The following LINGO2 variants were observed in gnomAD, a reference collection of about 807,000 sequenced individuals.
LINGO2 encodes leucine rich repeat and Ig domain containing 2, also known as leucine-rich repeat and immunoglobulin-like domain-containing nogo receptor-interacting protein 2.
Under a neutral mutation model 30.6 loss-of-function variants are expected in LINGO2, and 14 were observed. The observed-to-expected ratio is 0.46, with a 90% CI of 0.30 to 0.72. The LOEUF (loss-of-function observed/expected upper bound fraction) is 0.72. Among genes scored for constraint, LINGO2 ranks in the 30% least tolerant of loss-of-function variants. The pLI is 0.07. For synonymous variants in LINGO2, 317 were observed against 288.5 expected, an observed-to-expected ratio of 1.10 and a Z score of -1.00; for missense variants, 729 against 751.7, an observed-to-expected ratio of 0.97 and a Z score of 0.35.
In LINGO2 at chr9:28,148,768, G is replaced by A; in HGVS notation, c.-86-136363C>T. 1 of 1,534,096 alleles carries A rather than the reference G, an allele frequency of 6.5e-7. No individual in the cohort carries two copies. The highest frequency in any genetic ancestry group is 1.2e-5 in the South Asian group (1 of 83,960). On this transcript the variant is annotated intron_variant, in intron 4 of 5. Transcript: ENST00000379992. The surrounding 1 kb of genome is among the most constrained non-coding windows in gnomAD (Gnocchi z 5.1). ...GGAAGCCTGACCCACTTCCAACAGT[G>A]CTCCCTGCCCCAGTTCCAGGCTGCT...
At chr9:28,880,704 G>A in the LINGO2 span, among the ~76,000 whole-genome samples, 1 of 152,138 alleles carries the variant, frequency 6.6e-6, no homozygotes, top group Non-Finnish European at 1.5e-5. Context: ...GATAGAGGAA[G>A]GCCACTGTCT....
chr9:28,360,089 T>C (rs1820381305), intron 3 of LINGO2, among the ~76,000 whole-genome samples: 1 of 152,198 alleles, frequency 6.6e-6, no homozygotes, highest in South Asian at 2.1e-4. Context: ...ATCATGGTTG[T>C]AAAGTACTTA....
the LINGO2 span, among the ~76,000 whole-genome samples, chr9:28,912,083 T>C: frequency 1.3e-5 from 2 of 152,042 alleles, no homozygotes; most frequent in Non-Finnish European, 2.9e-5. Flanking sequence ...CAACCTGCCA[T>C]CGGCCTGGCA....
At chr9:27,949,787 G>A (rs368450876) in exon 6 of LINGO2, 1 of 1,614,038 alleles carries the variant, frequency 6.2e-7, no homozygotes, top group Non-Finnish European at 8.5e-7. Flanking sequence ...GGCGGATCAG[G>A]TCAGAGAACA....
At chr9:28,628,578 G>A (rs1413595888) in intron 1 of LINGO2, among the ~76,000 whole-genome samples, 1 of 151,990 alleles carries the variant, frequency 6.6e-6, no homozygotes, top group Non-Finnish European at 1.5e-5. Context: ...GGGGCAAGAG[G>A]GAGATAGGAA....
chr9:28,394,288 C>T (rs1437476724), intron 2 of LINGO2, among the ~76,000 whole-genome samples: 1 of 152,184 alleles, frequency 6.6e-6, no homozygotes, highest in Non-Finnish European at 1.5e-5. Context: ...GAGGACTTCA[C>T]TGTCAGTAAT....
chr9:28,094,549 G>A (rs1352600344), intron 4 of LINGO2, among the ~76,000 whole-genome samples: 2 of 151,300 alleles, frequency 1.3e-5, no homozygotes, highest in Admixed American at 6.6e-5. Context: ...GAGAGAGAGA[G>A]TAAATATTTC....
the LINGO2 span, among the ~76,000 whole-genome samples, chr9:28,787,541 C>G: frequency 6.6e-6 from 1 of 152,022 alleles, no homozygotes; most frequent in Non-Finnish European, 1.5e-5. Context: ...ATATTTATGT[C>G]AAAAAATCTA....
At chr9:28,623,575 C>T (rs1410947809) in intron 1 of LINGO2, among the ~76,000 whole-genome samples, 1 of 151,974 alleles carries the variant, frequency 6.6e-6, no homozygotes, top group East Asian at 1.9e-4. Flanking sequence ...TATGTCAGTA[C>T]CATGCTGTTT....
intron 1 of LINGO2, among the ~76,000 whole-genome samples, chr9:28,517,465 C>T (rs892700648): frequency 5.3e-5 from 8 of 152,132 alleles, no homozygotes; most frequent in African/African-American, 1.9e-4. Flanking sequence ...CTGTTAAGTG[C>T]TAAATTAAAA....
chr9:28,031,822 A>T (rs377315802), intron 4 of LINGO2, among the ~76,000 whole-genome samples: 4 of 152,356 alleles, frequency 2.6e-5, no homozygotes, highest in African/African-American at 2.4e-5. Flanking sequence ...AGATCATTAC[A>T]GAGAGATATT....
intron 3 of LINGO2, among the ~76,000 whole-genome samples, chr9:28,313,390 A>C (rs923342453): frequency 6.6e-6 from 1 of 152,188 alleles, no homozygotes; most frequent in African/African-American, 2.4e-5. Flanking sequence ...TGGTGTTAGA[A>C]TAATTCAGAC....
the LINGO2 span, among the ~76,000 whole-genome samples, chr9:28,894,201 A>G: frequency 6.6e-6 from 1 of 152,060 alleles, no homozygotes; most frequent in African/African-American, 2.4e-5. Context: ...GAATAGTGTC[A>G]CAATAAACAT....
At chr9:28,534,450 G>T (rs967188195) in intron 1 of LINGO2, among the ~76,000 whole-genome samples, 5 of 152,176 alleles carry the variant, frequency 3.3e-5, no homozygotes, top group Non-Finnish European at 5.9e-5. Context: ...GATCCTCTGG[G>T]ATTTGTTTTT....
At chr9:28,285,137 A>G (rs1823460806) in intron 4 of LINGO2, among the ~76,000 whole-genome samples, 1 of 152,198 alleles carries the variant, frequency 6.6e-6, no homozygotes, top group Non-Finnish European at 1.5e-5. Context: ...TCTGGAGACC[A>G]AGGTCAAAAT....
the LINGO2 span, among the ~76,000 whole-genome samples, chr9:28,762,206 C>T: frequency 2.0e-5 from 3 of 152,056 alleles, no homozygotes; most frequent in Non-Finnish European, 4.4e-5. Context: ...CTATTTATTT[C>T]CATTTTAATT....
At chr9:28,650,217 T>C (rs1828033460) in intron 1 of LINGO2, among the ~76,000 whole-genome samples, 2 of 152,050 alleles carry the variant, frequency 1.3e-5, no homozygotes, top group Admixed American at 6.6e-5. Context: ...AAAACAAAAA[T>C]TGTTCCAAAT....
chr9:28,930,210 T>C, the LINGO2 span, among the ~76,000 whole-genome samples: 2 of 151,992 alleles, frequency 1.3e-5, no homozygotes, highest in African/African-American at 4.8e-5. This position sits in a 1 kb window ranked among gnomAD's most constrained non-coding sequence, Gnocchi z 4.2. Context: ...GCACAAGGGG[T>C]ACTGCTTCCT....
intron 1 of LINGO2, among the ~76,000 whole-genome samples, chr9:28,532,707 T>C (rs1190124295): frequency 6.6e-6 from 1 of 152,088 alleles, no homozygotes; most frequent in East Asian, 1.9e-4. Context: ...GAAAGGAAAG[T>C]TAACCAGCCC....
Sources: gnomAD v4.1 joint callset for allele counts (sites outside exome capture counted in the v4.1 genomes callset) on GRCh38, gnomAD v4.1.1 for gene constraint, Gnocchi (gnomAD v3.1) non-coding constraint, MANE v1.5 for transcripts, NCBI Gene and HGNC (gene_info 2026-07-23, HGNC 2026-07-21) for gene names.